The following DENND5A variants were observed in gnomAD, a reference collection of about 807,000 sequenced individuals.
DENND5A encodes DENN domain-containing protein 5A.
DENND5A carries 64 observed loss-of-function variants against 140.3 expected under a neutral mutation model. That is an observed-to-expected ratio of 0.46 (90% CI 0.37 to 0.56). The LOEUF is 0.56. Among genes scored for constraint, DENND5A ranks in the 20% least tolerant of loss-of-function variants. The pLI, the probability that DENND5A is intolerant of heterozygous loss-of-function variation, is 0.00. For synonymous variants in DENND5A, 605 were observed against 607.7 expected, an observed-to-expected ratio of 1.00 and a Z score of 0.07; for missense variants, 1,292 against 1,593.8, an observed-to-expected ratio of 0.81 and a Z score of 3.22.
intron 1 of DENND5A, among the ~76,000 whole-genome samples, chr11:9,243,095 A>AAAAAC (rs1851308736): frequency 7.2e-6 from 1 of 138,508 alleles, no homozygotes; most frequent in Non-Finnish European, 1.5e-5. Flanking sequence ...CTCAAAAAAA[A>AAAAAC]AAAAAAAAAC....
intron 5 of DENND5A, among the ~76,000 whole-genome samples, chr11:9,184,673 T>A (rs1286202586): frequency 1.3e-5 from 2 of 152,208 alleles, no homozygotes; most frequent in Non-Finnish European, 2.9e-5. Flanking sequence ...GCATCGTGTA[T>A]TTGATTTCAC....
At chr11:9,196,040 C>T (rs1189306552) in intron 4 of DENND5A, among the ~76,000 whole-genome samples, 1 of 152,146 alleles carries the variant, frequency 6.6e-6, no homozygotes, top group African/African-American at 2.4e-5. Context: ...GCAACCTATG[C>T]TTCCCAGGTT....
intron 5 of DENND5A, among the ~76,000 whole-genome samples, chr11:9,182,191 CT>C (rs1848754972): frequency 6.6e-6 from 1 of 152,152 alleles, no homozygotes; most frequent in East Asian, 1.9e-4. Flanking sequence ...TGATGGGCAC[CT>C]GTAATCCCAG....
In DENND5A at chr11:9,145,504, CA is replaced by C. The variant is rs1590204603; in HGVS notation, c.3003+165del. The C allele has an allele frequency of 1.9e-5, 15 of 787,998 alleles. No homozygotes were observed. In the East Asian group the frequency reaches 3.7e-4, roughly 19 times the overall value. 48.8% of individuals were successfully genotyped at this position (787,998 alleles called of 1,614,324 possible). ...TTAGACAGGGTGGGGTCCCCCTCCT[CA>C]GGGTCAGTCTTTGGATCCAGCCTCA... On this transcript the variant is annotated intron_variant, in intron 17 of 22. Coordinates refer to ENST00000328194, the MANE Select transcript of DENND5A (RefSeq NM_015213.4).
chr11:9,159,915 A>G (rs1847922937), intron 12 of DENND5A, among the ~76,000 whole-genome samples: 1 of 152,240 alleles, frequency 6.6e-6, no homozygotes, highest in Admixed American at 6.5e-5. Context: ...ACGCATGGGC[A>G]TATGTACACA....
chr11:9,141,700 T>A (rs887879137), intron 22 of DENND5A, among the ~76,000 whole-genome samples: 1 of 152,228 alleles, frequency 6.6e-6, no homozygotes, highest in East Asian at 1.9e-4. Flanking sequence ...AGTATAATCT[T>A]ATAGGACCAT....
At chr11:9,235,764 G>A (rs1564931743) in intron 1 of DENND5A, among the ~76,000 whole-genome samples, 1 of 152,020 alleles carries the variant, frequency 6.6e-6, no homozygotes, top group African/African-American at 2.4e-5. Context: ...GAAACATCCA[G>A]AATAGGTAAA....
chr11:9,178,755 T>C, intron 7 of DENND5A, 103 bp downstream of exon 7: 3 of 991,824 alleles, frequency 3.0e-6, no homozygotes, highest in South Asian at 1.5e-5. Context: ...TTCCAGCATA[T>C]GATAATCTTC....
At position 9,139,023 on chromosome 11, in the gene DENND5A, C is replaced by G. The variant is rs1480651745; in HGVS notation, c.*648G>C. 6.6e-6 allele frequency: 1 copy of G among 151,360 alleles called. No homozygotes were observed. The highest frequency in any genetic ancestry group is 1.5e-5 in the Non-Finnish European group (1 of 67,582). 9.4% of individuals were successfully genotyped at this position (151,360 alleles called of 1,614,324 possible). On this transcript the variant is annotated 3_prime_UTR_variant, in exon 23 of 23. Transcript: ENST00000328194. ...TAAAAAAGAAAAAAGAAAAGAAAAA[C>G]CTGTTAAAACATGCTTATGTTTACT...
chr11:9,209,860 C>CT (rs1849815499), intron 1 of DENND5A, among the ~76,000 whole-genome samples: 1 of 151,990 alleles, frequency 6.6e-6, no homozygotes, highest in African/African-American at 2.4e-5. Context: ...AATCCCAGCA[C>CT]TTTGGGAGGC....
At chr11:9,222,578 T>C (rs1344294221) in intron 1 of DENND5A, among the ~76,000 whole-genome samples, 1 of 151,890 alleles carries the variant, frequency 6.6e-6, no homozygotes, top group East Asian at 1.9e-4. Flanking sequence ...CACAGAAAAA[T>C]TAGAGGAACT....
chr11:9,164,978 A>C (rs1245308578), intron 11 of DENND5A, among the ~76,000 whole-genome samples: 1 of 152,202 alleles, frequency 6.6e-6, no homozygotes, highest in Non-Finnish European at 1.5e-5. Flanking sequence ...TTTTTATTAA[A>C]TTAAAAACTA....
At chr11:9,239,221 G>A (rs1475700397) in intron 1 of DENND5A, among the ~76,000 whole-genome samples, 1 of 151,734 alleles carries the variant, frequency 6.6e-6, no homozygotes, top group Admixed American at 6.6e-5. Flanking sequence ...TTAAGAGACA[G>A]GAGCCTCACA....
intron 12 of DENND5A, among the ~76,000 whole-genome samples, chr11:9,159,969 C>T (rs1394922382): frequency 6.6e-6 from 1 of 152,128 alleles, no homozygotes; most frequent in Admixed American, 6.5e-5. Flanking sequence ...GTTGCTATAC[C>T]CATTAGAATG....
rs1160310978 is a variant in DENND5A at position 9,174,125 on chromosome 11, A to G, written c.1907-3348T>C. 2.0e-3 allele frequency among the ~76,000 whole-genome samples: 294 copies of G among 149,108 alleles called. 2 individuals are homozygous for G. The highest frequency in any genetic ancestry group is 3.7e-3 in the Non-Finnish European group (246 of 67,144). On this transcript the variant is annotated intron_variant, in intron 8 of 22. Coordinates refer to ENST00000328194, the MANE Select transcript of DENND5A (RefSeq NM_015213.4). ...CTCAAAAAAAAAAAAAAAAAAAAAA[A>G]AAAAGAAAAAAAAATTGAAAATATT...
At chr11:9,168,910 G>A (rs1370556955) in intron 10 of DENND5A, among the ~76,000 whole-genome samples, 1 of 152,088 alleles carries the variant, frequency 6.6e-6, no homozygotes, top group Non-Finnish European at 1.5e-5. Context: ...AACTAAGTAA[G>A]GCAGGGTCTA....
rs531982161 is a variant in DENND5A, at chr11:9,236,118, G to A, written c.110-28486C>T. On this transcript the variant is annotated intron_variant, in intron 1 of 22. Transcript: ENST00000328194. ...TAGCCCAGTAGTCCCAGCTACTCAG[G>A]AGGCTGAGGCAAGAGGATCACATGA... Among the ~76,000 whole-genome samples the A allele has an allele frequency of 5.8e-4, 88 of 152,048 alleles. 1 individual carries two copies. Among genetic ancestry groups the A allele is most frequent in the Admixed American group, 1.3e-3 (20 of 15,254 alleles).
chr11:9,161,565 T>G (rs2136140905), intron 11 of DENND5A, among the ~76,000 whole-genome samples: 1 of 152,358 alleles, frequency 6.6e-6, no homozygotes. Context: ...GAAACATATC[T>G]GAAATAACTG....
intron 5 of DENND5A, among the ~76,000 whole-genome samples, chr11:9,189,832 G>GT: frequency 6.6e-6 from 1 of 152,226 alleles, no homozygotes; most frequent in South Asian, 2.1e-4. Flanking sequence ...TAGAGATGGC[G>GT]TATCTCCACG....
Sources: gnomAD v4.1 joint callset for allele counts (sites outside exome capture counted in the v4.1 genomes callset) on GRCh38, gnomAD v4.1.1 for gene constraint, MANE v1.5 for transcripts, NCBI Gene and HGNC (gene_info 2026-07-23, HGNC 2026-07-21) for gene names.